Variants in AHDC1 observed in about 807,000 individuals in gnomAD.
The protein encoded by AHDC1 is transcription factor Gibbin.
In AHDC1, 7 loss-of-function variants were observed where a neutral mutation model predicts 87.9. The observed-to-expected ratio is 0.08, with a 90% CI of 0.05 to 0.15. The LOEUF (loss-of-function observed/expected upper bound fraction) is 0.15, where lower values mean the gene tolerates loss of function less well. Among genes scored for constraint, AHDC1 ranks in the 10% least tolerant of loss-of-function variants. AHDC1 has a pLI of 1.00. For synonymous variants in AHDC1, 1,051 were observed against 1,006.8 expected, an observed-to-expected ratio of 1.04 and a Z score of -0.83; for missense variants, 1,841 against 2,253.2, an observed-to-expected ratio of 0.82 and a Z score of 3.70.
chr1:27,601,203 C>T (rs1383248811), intron 3 of AHDC1, among the ~76,000 whole-genome samples: 2 of 152,220 alleles, frequency 1.3e-5, no homozygotes, highest in Non-Finnish European at 2.9e-5. Context: ...TCAAAAGTAA[C>T]GGCATTAAAA....
rs1464710952 is a variant in AHDC1 at position 27,534,306 on chromosome 1, A to G, written c.*654T>C. ...TTGCTTTTTTTCATTTCTTTTTAAT[A>G]CAAACTTGGATCTTTGGGTGTGTCC... On this transcript the variant is annotated 3_prime_UTR_variant, in exon 9 of 9. Transcript: ENST00000673934. The G allele has an allele frequency of 8.2e-6, 1 of 122,576 alleles. No individual in the cohort carries two copies. The highest frequency in any genetic ancestry group is 1.7e-5 in the Non-Finnish European group (1 of 60,118). The allele number at this position is 122,576 out of a possible 1,614,324, so 7.6% of individuals were successfully genotyped here.
chr1:27,593,969 A>G lies in AHDC1; in HGVS notation c.-629+9428T>C, dbSNP rs909262950. Among the ~76,000 whole-genome samples, 1 of 152,070 alleles carries G rather than the reference A, an allele frequency of 6.6e-6. No homozygotes were observed. The highest frequency in any genetic ancestry group is 1.5e-5 in the Non-Finnish European group (1 of 67,990). ...TCTGTGAGCCTTCCCTCAGCAAGAG[A>G]GGAGGCACGAGGGACCTCTAGGAAA... On this transcript the variant is annotated intron_variant, in intron 3 of 8. Transcript: ENST00000673934. This position sits in a 1 kb window ranked among gnomAD's most constrained non-coding sequence, Gnocchi z 4.9.
At chr1:27,596,763 C>T (rs1557711073) in intron 3 of AHDC1, among the ~76,000 whole-genome samples, 1 of 152,016 alleles carries the variant, frequency 6.6e-6, no homozygotes, top group South Asian at 2.1e-4. Flanking sequence ...CCCCACCCTG[C>T]AAAACCCACA....
rs780738627 is a variant in AHDC1, at chr1:27,549,808, C to T, written c.2308G>A (p.Gly770Arg). 3.7e-6 allele frequency: 6 copies of T among 1,613,638 alleles called. No individual in the cohort carries two copies. In the East Asian group the frequency reaches 6.7e-5, roughly 18 times the overall value. ...GFGEAGAEWA[G>R]DKGGGWAPHH... ...GGGGCCCAGCCACCACCCTTATCCC[C>T]GGCCCACTCAGCACCTGCCTCCCCA... Residue 770 changes from glycine (G) to arginine (R), a missense_variant, in exon 8 of 9, where the codon GGG (glycine) becomes AGG (arginine). Physicochemically the swap from Gly to Arg is moderately radical, Grantham distance 125. Coordinates refer to ENST00000673934, the MANE Select transcript of AHDC1 (RefSeq NM_001371928.1).
At chr1:27,572,963 C>G (rs182272212) in intron 3 of AHDC1, among the ~76,000 whole-genome samples, 1 of 152,220 alleles carries the variant, frequency 6.6e-6, no homozygotes, top group Non-Finnish European at 1.5e-5. Flanking sequence ...CTCACAGCCC[C>G]GCCTGACACA....
At chr1:27,574,191 A>T (rs1314312223) in intron 3 of AHDC1, among the ~76,000 whole-genome samples, 1 of 152,208 alleles carries the variant, frequency 6.6e-6, no homozygotes, top group African/African-American at 2.4e-5. Context: ...GCCAGCCTGG[A>T]GCTCTCTGCC....
intron 8 of AHDC1, among the ~76,000 whole-genome samples, chr1:27,535,902 C>T (rs2018617904): frequency 6.6e-6 from 1 of 152,086 alleles, no homozygotes. Context: ...GAGAAGGTCC[C>T]CTGAAGGACA....
At chr1:27,586,188 T>C (rs1421620511) in intron 3 of AHDC1, among the ~76,000 whole-genome samples, 4 of 152,166 alleles carry the variant, frequency 2.6e-5, no homozygotes, top group African/African-American at 9.7e-5. Context: ...CAAAATACTG[T>C]TTCTTGAGAG....
chr1:27,552,096 C>A lies in AHDC1; in HGVS notation c.20G>T (p.Gly7Val). 1 of 1,471,062 alleles carries A rather than the reference C, an allele frequency of 6.8e-7. No homozygotes were observed. 91.1% of individuals were successfully genotyped at this position (1,471,062 alleles called of 1,614,324 possible). The change falls in exon 8 of 9, where the codon GGC becomes GTC. Residue 7 changes from glycine (G) to valine (V), a missense_variant. Gly to Val is a moderately radical substitution (Grantham distance 109). Transcript: ENST00000673934. The part of the protein sequence containing the change: MRVKPQ[G>V]LVVTSSAVCS... The stretch of plus-strand genomic sequence containing the variant: ...CACGGCACTGGAAGTCACCACCAGG[C>A]CCTGGGGCTTCACACGCATCCTGAC...
intron 3 of AHDC1, 33 bp downstream of exon 3, chr1:27,603,364 G>C (rs1362727534): frequency 6.6e-6 from 1 of 152,452 alleles, no homozygotes; most frequent in Non-Finnish European, 1.5e-5. Context: ...GTCCCCAGCG[G>C]GGGTCTGGGG....
At chr1:27,540,797 G>T (rs895161424) in intron 8 of AHDC1, among the ~76,000 whole-genome samples, 1 of 151,886 alleles carries the variant, frequency 6.6e-6, no homozygotes. Flanking sequence ...TGAAAAAAAG[G>T]TTGGGTGCCA....
intron 8 of AHDC1, among the ~76,000 whole-genome samples, chr1:27,538,767 G>T (rs951500843): frequency 5.3e-5 from 8 of 152,078 alleles, no homozygotes; most frequent in Non-Finnish European, 8.8e-5. Flanking sequence ...CACCTGCCTT[G>T]GCCTCCCAAA....
In AHDC1 at chr1:27,551,194, C is replaced by G. The variant is rs763639696; in HGVS notation, c.922G>C (p.Gly308Arg). Residue 308 changes from glycine (G) to arginine (R), a missense_variant, in exon 8 of 9, where the codon GGG (glycine) becomes CGG (arginine). Gly to Arg is a moderately radical substitution (Grantham distance 125). Transcript: ENST00000673934. The part of the protein sequence containing the change: ...PPLQPLADPL[G>R]LPGLALQALD... ...GCCTGGAGAGCCAGGCCCGGCAGCC[C>G]CAGAGGATCAGCAAGAGGTTGCAGG... is the stretch of plus-strand genomic sequence containing the variant. The G allele has an allele frequency of 2.0e-5, 32 of 1,610,226 alleles. No homozygotes were observed. The highest frequency in any genetic ancestry group is 2.5e-5 in the Non-Finnish European group (30 of 1,179,436).
At position 27,562,112 on chromosome 1, in the gene AHDC1, A is replaced by C. The variant is rs2020113423; in HGVS notation, c.-628-3229T>G. Among the ~76,000 whole-genome samples the C allele has an allele frequency of 6.6e-6, 1 of 152,014 alleles. No individual in the cohort carries two copies. The highest frequency in any genetic ancestry group is 2.1e-4 in the South Asian group (1 of 4,818). ...GAGAAAGAGGCAGCGAAGCAGAGGC[A>C]GGGTGGGCCGGGGAGAAGGGCCGAG... On this transcript the variant is annotated intron_variant, in intron 3 of 8. Coordinates refer to ENST00000673934, the MANE Select transcript of AHDC1 (RefSeq NM_001371928.1). This position sits in a 1 kb window ranked among gnomAD's most constrained non-coding sequence, Gnocchi z 4.4.
At chr1:27,580,100 A>C (rs2088864830) in intron 3 of AHDC1, among the ~76,000 whole-genome samples, 2 of 152,198 alleles carry the variant, frequency 1.3e-5, no homozygotes, top group Admixed American at 6.5e-5. Flanking sequence ...ATCAAGGCCC[A>C]TGGGCCCTTC....
At position 27,588,722 on chromosome 1, in the gene AHDC1, T is replaced by C. The variant is rs566552651; in HGVS notation, c.-629+14675A>G. On this transcript the variant is annotated intron_variant, in intron 3 of 8. Transcript: ENST00000673934. ...AGGACGCATGTGTGTGCTGCATTTG[T>C]GAATTGGCCTGTGTGAGAAGGCAGG... Among the ~76,000 whole-genome samples, 13 of 152,168 alleles carry C rather than the reference T, an allele frequency of 8.5e-5. No homozygotes were observed. The South Asian group carries it at 2.7e-3, about 32-fold the overall frequency.
chr1:27,535,764 G>A lies in AHDC1; in HGVS notation c.*44-848C>T, dbSNP rs148719140. On this transcript the variant is annotated intron_variant, in intron 8 of 8. Transcript: ENST00000673934. ...CAGTTCCTCCCATCGCCAGACACTC[G>A]AGATTGGAAGTACCCCTTTTTCCCA... Among the ~76,000 whole-genome samples the A allele has an allele frequency of 6.6e-5, 10 of 152,114 alleles. No individual in the cohort carries two copies. The East Asian group carries it at 1.9e-3, about 29-fold the overall frequency.
intron 3 of AHDC1, among the ~76,000 whole-genome samples, chr1:27,591,089 A>G (rs2148471812): frequency 6.6e-6 from 1 of 152,258 alleles, no homozygotes; most frequent in East Asian, 1.9e-4. Flanking sequence ...GCCCTAACCC[A>G]TCCATCAGCT....
At position 27,558,519 on chromosome 1, in the gene AHDC1, C is replaced by A; in HGVS notation, c.-439G>T. 2 of 377,610 alleles carry A rather than the reference C, an allele frequency of 5.3e-6. No homozygotes were observed. The highest frequency in any genetic ancestry group is 1.3e-3 in the Middle Eastern group (2 of 1,490). The allele number at this position is 377,610 out of a possible 1,614,324, so 23.4% of individuals were successfully genotyped here. On this transcript the variant is annotated 5_prime_UTR_variant, in exon 5 of 9. Transcript: ENST00000673934. This position sits in a 1 kb window ranked among gnomAD's most constrained non-coding sequence, Gnocchi z 5.6. Reference sequence around the variant, plus strand: ...GGACTCACTGTATATCCATGAGCCTCAGTTCCCCTTTCTGGATAATGGGGA... The same window carrying A: ...GGACTCACTGTATATCCATGAGCCTAAGTTCCCCTTTCTGGATAATGGGGA...
Sources: allele counts gnomAD v4.1 joint callset (sites outside exome capture counted in the v4.1 genomes callset), GRCh38; gene constraint gnomAD v4.1.1; non-coding constraint Gnocchi (gnomAD v3.1); transcripts MANE v1.5; gene names NCBI Gene and HGNC (gene_info 2026-07-23, HGNC 2026-07-21).